The following DENND1A variants were observed in gnomAD, a reference collection of about 807,000 sequenced individuals.
DENND1A encodes the protein DENN domain-containing protein 1A.
Under a neutral mutation model 113.7 loss-of-function variants are expected in DENND1A, and 51 were observed. That is an observed-to-expected ratio of 0.45 (90% CI 0.36 to 0.57). The LOEUF (loss-of-function observed/expected upper bound fraction) is 0.57, where lower values mean the gene tolerates loss of function less well. Among genes scored for constraint, DENND1A ranks in the 20% least tolerant of loss-of-function variants. The pLI, the probability that DENND1A is intolerant of heterozygous loss-of-function variation, is 0.00. For missense variants in DENND1A, 1,258 were observed against 1,395.9 expected (o/e 0.90, Z 1.57); for synonymous variants, 565 against 570.8 (o/e 0.99, Z 0.14).
Position 123,382,152 on chromosome 9 carries a change from A to G in DENND1A, c.2493T>C (p.Pro831=). The G allele has an allele frequency of 6.2e-7, 1 of 1,605,020 alleles. No individual in the cohort carries two copies. Among genetic ancestry groups the G allele is most frequent in the Admixed American group, 1.7e-5 (1 of 59,170 alleles). Residue 831 remains proline (P), a synonymous_variant, in exon 24 of 24, where the codon CCT becomes CCC. Coordinates refer to ENST00000394215, the MANE Select transcript of DENND1A (RefSeq NM_001352964.2). ...GPTELLQPLS[P]GPGAAGTSSD... is the part of the protein sequence containing the mutation. ...TGCTCGTGCCTGCAGCCCCGGGGCC[A>G]GGGCTGAGCGGCTGGAGCAGTTCAG...
chr9:123,598,013 T>C (rs1208164235), intron 11 of DENND1A, among the ~76,000 whole-genome samples: 1 of 152,178 alleles, frequency 6.6e-6, no homozygotes, highest in Non-Finnish European at 1.5e-5. Flanking sequence ...ATCGCCAAGA[T>C]TTACAATCTG....
chr9:123,438,896 GA>G (rs1254671284), intron 19 of DENND1A, among the ~76,000 whole-genome samples: 1 of 152,018 alleles, frequency 6.6e-6, no homozygotes, highest in East Asian at 1.9e-4. Context: ...TTTGTGTTTC[GA>G]AAATGGAATG....
intron 11 of DENND1A, among the ~76,000 whole-genome samples, chr9:123,589,034 C>G (rs7848148): frequency 0.089 from 13,550 of 152,066 alleles, 721 homozygotes; most frequent in African/African-American, 0.14. Context: ...CCAAAGTGCT[C>G]GGATGACAGG....
At chr9:123,873,725 A>G (rs1847004927) in intron 2 of DENND1A, among the ~76,000 whole-genome samples, 1 of 152,150 alleles carries the variant, frequency 6.6e-6, no homozygotes. Flanking sequence ...CTTAGATGTA[A>G]AAGGCAAAAT....
chr9:123,880,286 C>A (rs924466259), intron 1 of DENND1A, among the ~76,000 whole-genome samples: 2 of 152,052 alleles, frequency 1.3e-5, no homozygotes, highest in Admixed American at 1.3e-4. Flanking sequence ...GTGCTGGGAG[C>A]CACTGCACCC....
intron 13 of DENND1A, among the ~76,000 whole-genome samples, chr9:123,549,880 T>C (rs2056935734): frequency 6.6e-6 from 1 of 152,240 alleles, no homozygotes; most frequent in Non-Finnish European, 1.5e-5. Context: ...TGGTGCTGTT[T>C]TGATTTTACT....
At chr9:123,458,147 C>G (rs1391017020) in intron 13 of DENND1A, among the ~76,000 whole-genome samples, 3 of 151,734 alleles carry the variant, frequency 2.0e-5, no homozygotes, top group African/African-American at 7.3e-5. Flanking sequence ...ATTACAGCTG[C>G]CCCCCACCAC....
chr9:123,415,459 C>A (rs1420299904), intron 19 of DENND1A, among the ~76,000 whole-genome samples: 1 of 152,172 alleles, frequency 6.6e-6, no homozygotes, highest in African/African-American at 2.4e-5. Context: ...AAGGGGAGGG[C>A]TGCACTAATT....
At chr9:123,682,698 C>T (rs989549871) in intron 5 of DENND1A, among the ~76,000 whole-genome samples, 5 of 152,302 alleles carry the variant, frequency 3.3e-5, no homozygotes, top group Middle Eastern at 3.4e-3. Context: ...CTAGATGTGA[C>T]ACCTCGAGAA....
chr9:123,423,403 C>T (rs1393468558), intron 19 of DENND1A, among the ~76,000 whole-genome samples: 1 of 152,174 alleles, frequency 6.6e-6, no homozygotes, highest in African/African-American at 2.4e-5. Context: ...TTCTGCTTGG[C>T]GGTAGACCTT....
intron 5 of DENND1A, among the ~76,000 whole-genome samples, chr9:123,747,340 C>T (rs1000573332): frequency 2.0e-5 from 3 of 152,128 alleles, no homozygotes; most frequent in Admixed American, 6.6e-5. Context: ...ACCTCACATG[C>T]AAAACTCCAC....
At chr9:123,409,247 C>G (rs2044119249) in intron 20 of DENND1A, among the ~76,000 whole-genome samples, 1 of 152,056 alleles carries the variant, frequency 6.6e-6, no homozygotes, top group South Asian at 2.1e-4. Context: ...GGAGATTCCA[C>G]AGACAGTTCA....
chr9:123,537,988 T>C (rs1589037599), intron 13 of DENND1A, among the ~76,000 whole-genome samples: 1 of 152,218 alleles, frequency 6.6e-6, no homozygotes, highest in Admixed American at 6.5e-5. Flanking sequence ...CAGAGTCCCC[T>C]GAAGACTGAG....
chr9:123,759,061 A>T (rs2070816794), intron 4 of DENND1A, among the ~76,000 whole-genome samples: 1 of 152,190 alleles, frequency 6.6e-6, no homozygotes, highest in Non-Finnish European at 1.5e-5. Flanking sequence ...TCGGCCTCCC[A>T]AAGTGCTGGG....
intron 13 of DENND1A, 64 bp from the exon 14 acceptor site, chr9:123,457,961 T>C: frequency 7.7e-7 from 1 of 1,304,614 alleles, no homozygotes; most frequent in Non-Finnish European, 1.1e-6. Flanking sequence ...GTTTTGAAAT[T>C]CCTATTTGCA....
chr9:123,912,002 T>A (rs970186532), intron 1 of DENND1A, among the ~76,000 whole-genome samples: 1 of 152,070 alleles, frequency 6.6e-6, no homozygotes, highest in Non-Finnish European at 1.5e-5. Flanking sequence ...CCGTGATTAT[T>A]TTTAAATAGG....
At chr9:123,512,867 C>T (rs964077902) in intron 13 of DENND1A, among the ~76,000 whole-genome samples, 11 of 152,274 alleles carry the variant, frequency 7.2e-5, no homozygotes, top group Admixed American at 3.3e-4. Flanking sequence ...GATAATAATA[C>T]GTGCCCTTAA....
chr9:123,917,572 C>A (rs1855387341), intron 1 of DENND1A, among the ~76,000 whole-genome samples: 1 of 152,070 alleles, frequency 6.6e-6, no homozygotes, highest in Non-Finnish European at 1.5e-5. Flanking sequence ...ATGCAATTTA[C>A]CTTTAAAAAC....
At chr9:123,803,778 T>G (rs780380947) in intron 2 of DENND1A, among the ~76,000 whole-genome samples, 1 of 152,152 alleles carries the variant, frequency 6.6e-6, no homozygotes, top group Non-Finnish European at 1.5e-5. Context: ...ACCCCATTTC[T>G]CTCCTTTTCT....
Sources: gnomAD v4.1 joint callset for allele counts (sites outside exome capture counted in the v4.1 genomes callset) on GRCh38, gnomAD v4.1.1 for gene constraint, MANE v1.5 for transcripts, NCBI Gene and HGNC (gene_info 2026-07-23, HGNC 2026-07-21) for gene names.